The following LOXL2 variants were observed in gnomAD, a reference collection of about 807,000 sequenced individuals.
The protein encoded by LOXL2 is lysyl oxidase homolog 2.
In LOXL2, 70 loss-of-function variants were observed where a neutral mutation model predicts 93.0. The ratio of observed to expected loss-of-function variants is 0.75; its 90% CI spans 0.62 to 0.92. The LOEUF (loss-of-function observed/expected upper bound fraction) is 0.92, where lower values mean the gene tolerates loss of function less well. LOXL2 is among the 40% of genes least tolerant of loss of function. The probability of loss-of-function intolerance (pLI) is 0.00; values close to 1 mark genes in which losing one functional copy is unlikely to be tolerated. For synonymous variants in LOXL2, 438 were observed against 413.2 expected (o/e 1.06, Z -0.73); for missense variants, 973 against 1,054.9 (o/e 0.92, Z 1.08).
intron 2 of LOXL2, among the ~76,000 whole-genome samples, chr8:23,361,815 G>A (rs1331966277): frequency 6.6e-6 from 1 of 151,930 alleles, no homozygotes; most frequent in African/African-American, 2.4e-5. Context: ...ACTCCAGCCT[G>A]GTGACAGAGC....
intron 9 of LOXL2, 27 bp downstream of exon 9, chr8:23,316,922 G>A: frequency 6.4e-7 from 1 of 1,554,782 alleles, no homozygotes; most frequent in Admixed American, 2.1e-5. Context: ...TGGGAGCCCG[G>A]TGGGGAGGGA....
At chr8:23,313,202 G>A (rs55652211) in intron 9 of LOXL2, among the ~76,000 whole-genome samples, 15,017 of 149,938 alleles carry the variant, frequency 0.1, 1,232 homozygotes, top group African/African-American at 0.23. Flanking sequence ...AATCAGTATC[G>A]TGAAAATGGC....
Position 23,342,924 on chromosome 8 carries a change from A to G in LOXL2, c.532-1721T>C, listed in dbSNP as rs987592739. 3.9e-5 allele frequency among the ~76,000 whole-genome samples: 6 copies of G among 151,920 alleles called. No homozygotes were observed. In the South Asian group the frequency reaches 8.3e-4, roughly 21 times the overall value. On this transcript the variant is annotated intron_variant, in intron 3 of 13. Coordinates refer to ENST00000389131, the MANE Select transcript of LOXL2 (RefSeq NM_002318.3). ...CATCACCACGCCCAGCTAATTTTAA[A>G]ATATATTTCAGAGACGAGGTCTCAC...
chr8:23,393,757 A>T (rs2117238020), intron 1 of LOXL2, among the ~76,000 whole-genome samples: 1 of 152,362 alleles, frequency 6.6e-6, no homozygotes, highest in East Asian at 1.9e-4. Flanking sequence ...ATGCTTTATG[A>T]ACCAGGGCAG....
intron 4 of LOXL2, among the ~76,000 whole-genome samples, chr8:23,338,171 G>C (rs1370354385): frequency 6.6e-6 from 1 of 152,204 alleles, no homozygotes; most frequent in Non-Finnish European, 1.5e-5. Context: ...CATGAGAACA[G>C]CATGGGAAAA....
intron 9 of LOXL2, among the ~76,000 whole-genome samples, chr8:23,315,812 G>A: frequency 6.6e-6 from 1 of 152,082 alleles, no homozygotes; most frequent in East Asian, 1.9e-4. Flanking sequence ...TCTTTCATCT[G>A]TTTTTATTTT....
At chr8:23,338,107 G>A (rs1476047709) in intron 4 of LOXL2, among the ~76,000 whole-genome samples, 1 of 152,194 alleles carries the variant, frequency 6.6e-6, no homozygotes. Flanking sequence ...GAGAGCGTGT[G>A]CAGGGGAACT....
intron 3 of LOXL2, among the ~76,000 whole-genome samples, chr8:23,346,996 G>A (rs558143336): frequency 3.3e-5 from 5 of 152,284 alleles, no homozygotes; most frequent in African/African-American, 2.4e-5. Context: ...TCCTCTCAGA[G>A]CCTGCAGCTT....
chr8:23,352,685 A>G (rs1006498222), intron 3 of LOXL2, among the ~76,000 whole-genome samples: 1 of 152,158 alleles, frequency 6.6e-6, no homozygotes, highest in Admixed American at 6.5e-5. Context: ...TCTGTGGTTA[A>G]GATGAGAAGA....
intron 3 of LOXL2, among the ~76,000 whole-genome samples, chr8:23,353,587 T>C (rs1249323155): frequency 1.3e-5 from 2 of 152,112 alleles, no homozygotes; most frequent in Non-Finnish European, 2.9e-5. Context: ...TAAGATATGA[T>C]GGCACAGCCT....
intron 1 of LOXL2, among the ~76,000 whole-genome samples, chr8:23,397,574 C>T (rs1331679377): frequency 2.0e-5 from 3 of 151,742 alleles, no homozygotes; most frequent in Admixed American, 6.6e-5. Context: ...GTCAGGAGAT[C>T]GAGACCATCC....
intron 1 of LOXL2, among the ~76,000 whole-genome samples, chr8:23,401,071 G>A (rs573661599): frequency 3.3e-5 from 5 of 152,292 alleles, no homozygotes; most frequent in East Asian, 1.9e-4. Context: ...CAGAACCACC[G>A]AAGCCCAGCC....
At chr8:23,311,368 C>A (rs1235105494) in intron 9 of LOXL2, among the ~76,000 whole-genome samples, 1 of 152,242 alleles carries the variant, frequency 6.6e-6, no homozygotes, top group Non-Finnish European at 1.5e-5. Flanking sequence ...CTCCCGTTTA[C>A]TGACAAGTAT....
chr8:23,403,588 G>A (rs1349203171), intron 1 of LOXL2, among the ~76,000 whole-genome samples: 2 of 152,016 alleles, frequency 1.3e-5, no homozygotes, highest in African/African-American at 4.8e-5. Context: ...TTCCGGAGAC[G>A]CTGTCCCTGG....
rs554517285 is a variant in LOXL2, at chr8:23,374,258, G to A, written c.-83-5824C>T. Among the ~76,000 whole-genome samples, 420 of 152,074 alleles carry A rather than the reference G, an allele frequency of 2.8e-3. 4 individuals are homozygous for A. Among genetic ancestry groups the A allele is most frequent in the Non-Finnish European group, 3.4e-3 (233 of 68,010 alleles). ...AATGATGGTTTCCAGCTTCATCCAT[G>A]TCCCTAAAAAGGACATGAACTCATC... On this transcript the variant is annotated intron_variant, in intron 1 of 13. Transcript: ENST00000389131.
chr8:23,314,872 A>C (rs892667036), intron 9 of LOXL2, among the ~76,000 whole-genome samples: 3 of 152,086 alleles, frequency 2.0e-5, no homozygotes, highest in Non-Finnish European at 2.9e-5. Context: ...GAAAAACAAC[A>C]ACAAAAAACA....
At chr8:23,300,508 G>A (rs2117136824) in intron 12 of LOXL2, among the ~76,000 whole-genome samples, 1 of 152,322 alleles carries the variant, frequency 6.6e-6, no homozygotes, top group South Asian at 2.1e-4. Context: ...CTGAAGTGAA[G>A]ACCACCTCTT....
Position 23,333,294 on chromosome 8 carries a change from C to T in LOXL2, c.966+107G>A, listed in dbSNP as rs567592773. 420 of 1,056,146 alleles carry T rather than the reference C, an allele frequency of 4.0e-4. 3 individuals carry two copies. The highest frequency in any genetic ancestry group is 7.7e-4 in the Admixed American group (41 of 53,426). The allele number at this position is 1,056,146 out of a possible 1,614,324, so 65.4% of individuals were successfully genotyped here. ...GTAAAGCAGCCACAATGGTGATCTC[C>T]GCTGAGGCCACCCTTCCTCACTCTC... On this transcript the variant is annotated intron_variant, in intron 5 of 13. Transcript: ENST00000389131.
chr8:23,311,557 C>A (rs13261131), intron 9 of LOXL2, among the ~76,000 whole-genome samples: 1 of 152,296 alleles, frequency 6.6e-6, no homozygotes, highest in East Asian at 1.9e-4. Context: ...GGCGAGGGAT[C>A]GTTAATGTAC....
Sources: allele counts gnomAD v4.1 joint callset (sites outside exome capture counted in the v4.1 genomes callset), GRCh38; gene constraint gnomAD v4.1.1; transcripts MANE v1.5; gene names NCBI Gene and HGNC (gene_info 2026-07-23, HGNC 2026-07-21).